The following ARHGAP29 variants were observed in gnomAD, a reference collection of about 807,000 sequenced individuals.
The protein encoded by ARHGAP29 is Rho GTPase activating protein 29, also known as rho GTPase-activating protein 29.
Under a neutral mutation model 122.6 loss-of-function variants are expected in ARHGAP29, and 43 were observed. The observed-to-expected ratio is 0.35, with a 90% confidence interval of 0.27 to 0.45. The LOEUF (loss-of-function observed/expected upper bound fraction) is 0.45, where lower values mean the gene tolerates loss of function less well. ARHGAP29 is among the 20% of genes least tolerant of loss of function. The pLI, the probability that ARHGAP29 is intolerant of heterozygous loss-of-function variation, is 1.00. For synonymous variants in ARHGAP29, 506 were observed against 497.1 expected (o/e 1.02, Z -0.24); for missense variants, 1,303 against 1,477.2 (o/e 0.88, Z 1.93).
chr1:94,202,343 G>C, intron 11 of ARHGAP29: 1 of 635,536 alleles, frequency 1.6e-6, no homozygotes, highest in South Asian at 2.0e-5. Context: ...TCAAAATGTG[G>C]ATCTTCACCA....
the ARHGAP29 span, among the ~76,000 whole-genome samples, chr1:94,300,032 A>G: frequency 2.6e-5 from 4 of 152,220 alleles, no homozygotes; most frequent in Non-Finnish European, 5.9e-5. Context: ...CTTATGAAAC[A>G]TGCACATATG....
chr1:94,195,749 C>G (rs965831625), intron 12 of ARHGAP29: 3 of 151,858 alleles, frequency 2.0e-5, no homozygotes, highest in African/African-American at 7.2e-5. Context: ...AGTATATGCT[C>G]TCTATAATGC....
At chr1:94,251,723 C>T (rs546901531) in intron 1 of ARHGAP29, among the ~76,000 whole-genome samples, 1 of 152,246 alleles carries the variant, frequency 6.6e-6, no homozygotes, top group East Asian at 1.9e-4. Flanking sequence ...TTGTTCCTTG[C>T]TCCCTTTTCC....
intron 12 of ARHGAP29, chr1:94,194,528 T>C (rs768100461): frequency 6.6e-6 from 1 of 152,186 alleles, no homozygotes; most frequent in Non-Finnish European, 1.5e-5. Context: ...CAAGGCACTA[T>C]CAGATTCAGG....
At chr1:94,312,134 A>G in the ARHGAP29 span, among the ~76,000 whole-genome samples, 1 of 152,118 alleles carries the variant, frequency 6.6e-6, no homozygotes, top group Non-Finnish European at 1.5e-5. Context: ...AAAAGTTGTT[A>G]TATTTGCTGT....
intron 15 of ARHGAP29, among the ~76,000 whole-genome samples, chr1:94,188,551 T>C (rs552799784): frequency 6.6e-6 from 1 of 152,232 alleles, no homozygotes; most frequent in African/African-American, 2.4e-5. Context: ...TTAAAATAGC[T>C]AGAGAATGTT....
At chr1:94,203,047 G>A in intron 9 of ARHGAP29, 49 bp from the exon 10 acceptor site, 2 of 1,594,424 alleles carry the variant, frequency 1.3e-6, no homozygotes, top group Non-Finnish European at 1.7e-6. Context: ...TTTTCTAATG[G>A]CATGCCATTG....
chr1:94,181,291 T>G (rs1649442870), intron 19 of ARHGAP29, among the ~76,000 whole-genome samples: 1 of 152,178 alleles, frequency 6.6e-6, no homozygotes, highest in Admixed American at 6.5e-5. Context: ...GATCTGTAGA[T>G]CCCTGTTGCC....
At chr1:94,263,499 A>G (rs1047474545) in intron 1 of ARHGAP29, among the ~76,000 whole-genome samples, 1 of 152,232 alleles carries the variant, frequency 6.6e-6, no homozygotes, top group Non-Finnish European at 1.5e-5. Context: ...GTACTCATGC[A>G]TAATTATGAA....
rs1654230807 is a variant in ARHGAP29, at chr1:94,254,166, G to A, written c.-33+20846C>T. Reference sequence around the variant, plus strand: ...TTGGTATCTAGAAATGTCTATAGATGCTTTCACTTCAAAGACCTTCAAAAA... The same window carrying A: ...TTGGTATCTAGAAATGTCTATAGATACTTTCACTTCAAAGACCTTCAAAAA... On this transcript the variant is annotated intron_variant and NMD_transcript_variant, in intron 1 of 25. Transcript: ENST00000552844. Among the ~76,000 whole-genome samples the A allele has an allele frequency of 3.3e-5, 5 of 152,302 alleles. No homozygotes were observed. In the South Asian group the frequency reaches 1.0e-3, roughly 32 times the overall value.
chr1:94,208,674 G>A (rs1198551052), intron 5 of ARHGAP29, among the ~76,000 whole-genome samples, 158 bp downstream of exon 5: 1 of 152,128 alleles, frequency 6.6e-6, no homozygotes, highest in Admixed American at 6.5e-5. Context: ...TGGCCAGGCT[G>A]GTCTCAAACT....
chr1:94,289,216 G>T, the ARHGAP29 span, among the ~76,000 whole-genome samples: 2 of 152,136 alleles, frequency 1.3e-5, no homozygotes, highest in Non-Finnish European at 2.9e-5. Context: ...TCCCTTGTAA[G>T]TTGGATTCCT....
intron 1 of ARHGAP29, among the ~76,000 whole-genome samples, chr1:94,244,365 G>A (rs1164524281): frequency 6.6e-6 from 1 of 151,910 alleles, no homozygotes; most frequent in Non-Finnish European, 1.5e-5. Context: ...ACATTCACTA[G>A]AAAAAAACCA....
the ARHGAP29 span, among the ~76,000 whole-genome samples, chr1:94,313,760 C>T: frequency 1 from 151,878 of 152,334 alleles, 75,717 homozygotes; most frequent in Middle Eastern, 1. Flanking sequence ...GATTAAGAAA[C>T]TGTGGCACAT....
chr1:94,198,832 G>A (rs1194146159), intron 12 of ARHGAP29, among the ~76,000 whole-genome samples: 1 of 152,140 alleles, frequency 6.6e-6, no homozygotes, highest in African/African-American at 2.4e-5. Flanking sequence ...TGGAGATATG[G>A]ACAAGCTGAT....
At chr1:94,293,606 C>T in the ARHGAP29 span, among the ~76,000 whole-genome samples, 39 of 152,278 alleles carry the variant, frequency 2.6e-4, no homozygotes, top group South Asian at 3.5e-3. Flanking sequence ...CCTATTTGAC[C>T]GTCTTGGAAG....
chr1:94,302,614 T>C, the ARHGAP29 span: 1 of 414,750 alleles, frequency 2.4e-6, no homozygotes. Context: ...GTGATGGCCA[T>C]GGGGCTCTCC....
chr1:94,184,409 T>C, intron 18 of ARHGAP29, 121 bp from the exon 19 acceptor site: 4 of 812,652 alleles, frequency 4.9e-6, no homozygotes, highest in Non-Finnish European at 5.5e-6. Flanking sequence ...ATTATTATTT[T>C]AGAAAAAAAC....
chr1:94,185,545 TA>T (rs1570498376), intron 16 of ARHGAP29, 64 bp from the exon 17 acceptor site: 1 of 1,352,916 alleles, frequency 7.4e-7, no homozygotes, highest in South Asian at 1.6e-5. Context: ...TGTGATATCA[TA>T]TTTTGAATAA....
Sources: gnomAD v4.1 joint callset for allele counts (sites outside exome capture counted in the v4.1 genomes callset) on GRCh38, gnomAD v4.1.1 for gene constraint, MANE v1.5 for transcripts, NCBI Gene and HGNC (gene_info 2026-07-23, HGNC 2026-07-21) for gene names.